ARL15: variants seen among roughly 807,000 people sequenced by gnomAD.
ARL15 encodes the protein ARF like GTPase 15, also known as ADP-ribosylation factor-like protein 15.
Under a neutral mutation model 25.2 loss-of-function variants are expected in ARL15, and 19 were observed. That is an observed-to-expected ratio of 0.75 (90% CI 0.53 to 1.10). The LOEUF (loss-of-function observed/expected upper bound fraction) is 1.10. Ranked by LOEUF, ARL15 falls within the 50% of genes least tolerant of loss-of-function variation. The probability of loss-of-function intolerance (pLI) is 0.00; values close to 1 mark genes in which losing one functional copy is unlikely to be tolerated. For missense variants in ARL15, 220 were observed against 246.0 expected (o/e 0.89, Z 0.71); for synonymous variants, 94 against 86.8 (o/e 1.08, Z -0.46).
chr5:53,893,333 A>ATGGT (rs1744778764), intron 4 of ARL15, among the ~76,000 whole-genome samples: 1 of 119,574 alleles, frequency 8.4e-6, no homozygotes, highest in Non-Finnish European at 2.0e-5. Flanking sequence ...TAGGCTGGGC[A>ATGGT]CGGTGGCTCA....
chr5:54,039,292 A>C (rs1750260231), intron 4 of ARL15, among the ~76,000 whole-genome samples: 1 of 152,230 alleles, frequency 6.6e-6, no homozygotes, highest in African/African-American at 2.4e-5. Context: ...ATGAAAATGA[A>C]GACAGAAAAG....
intron 4 of ARL15, among the ~76,000 whole-genome samples, chr5:53,958,725 G>T (rs1459881400): frequency 3.3e-5 from 5 of 152,046 alleles, no homozygotes. Flanking sequence ...GATGAAAAAA[G>T]ATATTGTATG....
At chr5:53,973,910 A>G (rs1028372474) in intron 4 of ARL15, among the ~76,000 whole-genome samples, 1 of 152,092 alleles carries the variant, frequency 6.6e-6, no homozygotes, top group African/African-American at 2.4e-5. Context: ...CCTTTTGTAT[A>G]TGTGGGCATA....
intron 4 of ARL15, among the ~76,000 whole-genome samples, chr5:53,962,498 G>C (rs374696014): frequency 2.6e-5 from 4 of 152,206 alleles, no homozygotes; most frequent in African/African-American, 9.6e-5. Flanking sequence ...CCATACAAGA[G>C]TGTGTTGTGT....
intron 1 of ARL15, among the ~76,000 whole-genome samples, chr5:54,276,587 A>G (rs1012054628): frequency 2.0e-5 from 3 of 152,236 alleles, no homozygotes; most frequent in African/African-American, 2.4e-5. Context: ...CATAGAGTCA[A>G]TTACCATCAC....
intron 4 of ARL15, among the ~76,000 whole-genome samples, chr5:53,893,443 A>G (rs147579682): frequency 0.086 from 13,030 of 152,152 alleles, 693 homozygotes; most frequent in Non-Finnish European, 0.13. Context: ...CGTCTCTACT[A>G]AAAGATACAA....
At chr5:54,054,511 C>A (rs191642970) in intron 4 of ARL15, among the ~76,000 whole-genome samples, 4 of 152,342 alleles carry the variant, frequency 2.6e-5, no homozygotes, top group Non-Finnish European at 5.9e-5. Flanking sequence ...AATACTAGAG[C>A]TGGGCGCTGT....
At chr5:54,292,260 A>G (rs907318628) in intron 1 of ARL15, among the ~76,000 whole-genome samples, 8 of 152,092 alleles carry the variant, frequency 5.3e-5, no homozygotes, top group Admixed American at 5.2e-4. Flanking sequence ...TTGCTTCTCC[A>G]AAGATGTGCA....
At chr5:54,235,570 C>A (rs1756781221) in intron 1 of ARL15, among the ~76,000 whole-genome samples, 1 of 151,552 alleles carries the variant, frequency 6.6e-6, no homozygotes, top group South Asian at 2.1e-4. Flanking sequence ...TGCCTCACTG[C>A]AGCCTTGCTC....
At chr5:54,089,432 A>G (rs1475362501) in intron 4 of ARL15, among the ~76,000 whole-genome samples, 1 of 152,178 alleles carries the variant, frequency 6.6e-6, no homozygotes, top group Non-Finnish European at 1.5e-5. Context: ...AAATCACATA[A>G]TCCTCCCCAT....
chr5:54,130,017 T>A (rs746424372), intron 3 of ARL15, among the ~76,000 whole-genome samples: 1 of 152,120 alleles, frequency 6.6e-6, no homozygotes, highest in African/African-American at 2.4e-5. Context: ...GGTGGGAAGA[T>A]TGCTTGAGCC....
chr5:54,010,064 T>C (rs554199964), intron 4 of ARL15, among the ~76,000 whole-genome samples: 13 of 152,284 alleles, frequency 8.5e-5, no homozygotes, highest in Non-Finnish European at 1.3e-4. Context: ...GATGACTGTT[T>C]TGAAGCGATT....
intron 1 of ARL15, among the ~76,000 whole-genome samples, chr5:54,196,535 G>T (rs900952294): frequency 6.6e-6 from 1 of 152,034 alleles, no homozygotes; most frequent in Non-Finnish European, 1.5e-5. Flanking sequence ...AATACTTAGA[G>T]TATTGACTTA....
Position 54,206,225 on chromosome 5 carries a change from CT to C in ARL15, c.49-34298del, listed in dbSNP as rs1168138452. ...ACCTCAAATACCATAATTAGGACTTCTCGAAGCTTGAAAAGGGTGCCAGTAG... is the reference window on the plus strand; with the variant it reads ...ACCTCAAATACCATAATTAGGACTTCCGAAGCTTGAAAAGGGTGCCAGTAG... On this transcript the variant is annotated intron_variant, in intron 1 of 4. Transcript: ENST00000504924. Among the ~76,000 whole-genome samples the C allele has an allele frequency of 3.3e-5, 5 of 152,286 alleles. No individual in the cohort carries two copies. In the East Asian group the frequency reaches 9.7e-4, roughly 29 times the overall value.
intron 4 of ARL15, among the ~76,000 whole-genome samples, chr5:54,110,917 C>T (rs1342162584): frequency 1.3e-5 from 2 of 151,966 alleles, no homozygotes; most frequent in Admixed American, 6.6e-5. Flanking sequence ...AGCATTTCAA[C>T]AAGGCATTTT....
At chr5:54,148,105 T>C (rs1164780184) in intron 3 of ARL15, among the ~76,000 whole-genome samples, 1 of 152,212 alleles carries the variant, frequency 6.6e-6, no homozygotes, top group African/African-American at 2.4e-5. Flanking sequence ...AAGAAAGCTT[T>C]ATTTTGGTGA....
At chr5:54,223,209 C>T (rs74389478) in intron 1 of ARL15, among the ~76,000 whole-genome samples, 16,767 of 151,178 alleles carry the variant, frequency 0.11, 1,023 homozygotes, top group Middle Eastern at 0.2. Flanking sequence ...ATCCTCCCAC[C>T]ATGTAAAAAA....
chr5:54,135,851 T>C (rs755795505), intron 3 of ARL15, among the ~76,000 whole-genome samples: 2 of 152,176 alleles, frequency 1.3e-5, no homozygotes, highest in Non-Finnish European at 2.9e-5. Flanking sequence ...AGAATGCTAT[T>C]ATAAGACTCA....
intron 3 of ARL15, among the ~76,000 whole-genome samples, chr5:54,148,444 G>A (rs894709543): frequency 6.6e-6 from 1 of 152,110 alleles, no homozygotes. Flanking sequence ...AATCACTATT[G>A]CATGGGCCGA....
Sources: allele counts gnomAD v4.1 joint callset (sites outside exome capture counted in the v4.1 genomes callset), GRCh38; gene constraint gnomAD v4.1.1; transcripts MANE v1.5; gene names NCBI Gene and HGNC (gene_info 2026-07-23, HGNC 2026-07-21).